The following FSTL5 variants were observed in gnomAD, a reference collection of about 807,000 sequenced individuals.
FSTL5 encodes follistatin-related protein 5.
In FSTL5, 62 loss-of-function variants were observed where a neutral mutation model predicts 89.1. The observed-to-expected ratio is 0.70, with a 90% CI of 0.57 to 0.86. The LOEUF (loss-of-function observed/expected upper bound fraction) is 0.86, where lower values mean the gene tolerates loss of function less well. FSTL5 is among the 40% of genes least tolerant of loss of function. The pLI is 0.00. For missense variants in FSTL5, 1,057 were observed against 1,001.6 expected, an observed-to-expected ratio of 1.06 and a Z score of -0.75; for synonymous variants, 383 against 346.2, an observed-to-expected ratio of 1.11 and a Z score of -1.18.
rs370951713 is a variant in FSTL5 at position 161,386,198 on chromosome 4, T to C, written c.2093A>G (p.Tyr698Cys). 43 of 1,613,812 alleles carry C rather than the reference T, an allele frequency of 2.7e-5. No individual in the cohort carries two copies. The highest frequency in any genetic ancestry group is 3.6e-5 in the Non-Finnish European group (42 of 1,179,958). ...GFNSDVTGTP[Y>C]VSPDGHYLVS... is the part of the protein sequence containing the mutation. Reference sequence around the variant, plus strand: ...AAGGTAGTGGCCATCTGGAGAGACATATGGAGTGCCCGTCACATCACTATT... The same window carrying C: ...AAGGTAGTGGCCATCTGGAGAGACACATGGAGTGCCCGTCACATCACTATT... Residue 698 changes from tyrosine to cysteine, a missense_variant, in exon 16 of 16, where the codon TAT becomes TGT. Physicochemically the swap from Tyr to Cys is radical, Grantham distance 194 (BLOSUM62 -2). This residue lies in a region of FSTL5 where 980 missense variants were observed against 903.2 expected (regional missense o/e 1.08). Transcript: ENST00000306100.
chr4:161,565,672 T>G (rs1732771203), intron 8 of FSTL5, among the ~76,000 whole-genome samples: 1 of 151,060 alleles, frequency 6.6e-6, no homozygotes, highest in African/African-American at 2.4e-5. Flanking sequence ...AAACACTTAA[T>G]TGTTAACCTA....
intron 4 of FSTL5, among the ~76,000 whole-genome samples, chr4:161,885,771 C>A (rs1732788521): frequency 6.6e-6 from 1 of 152,106 alleles, no homozygotes; most frequent in African/African-American, 2.4e-5. Flanking sequence ...TTTCATTTTT[C>A]TTTGCTTCTT....
Position 161,689,970 on chromosome 4 carries a change from T to C in FSTL5, c.728-33476A>G, listed in dbSNP as rs540777149. The stretch of plus-strand genomic sequence containing the variant: ...AGATTCATCCAAGTTGTAATATGTA[T>C]TAGTATTTCATTTGTTTTCATGGCT... On this transcript the variant is annotated intron_variant, in intron 6 of 15. Coordinates refer to ENST00000306100, the MANE Select transcript of FSTL5 (RefSeq NM_020116.5). 7.2e-5 allele frequency among the ~76,000 whole-genome samples: 11 copies of C among 152,298 alleles called. No individual in the cohort carries two copies. The South Asian group carries it at 2.3e-3, about 32-fold the overall frequency.
chr4:161,535,969 A>G (rs924060917), intron 10 of FSTL5, among the ~76,000 whole-genome samples: 3 of 152,162 alleles, frequency 2.0e-5, no homozygotes, highest in Non-Finnish European at 4.4e-5. Context: ...CATTATCGTA[A>G]GTGAATTAAT....
chr4:161,568,676 GT>G (rs1332795371), intron 8 of FSTL5, among the ~76,000 whole-genome samples: 1 of 152,034 alleles, frequency 6.6e-6, no homozygotes, highest in Non-Finnish European at 1.5e-5. Flanking sequence ...GTTTGGCCTG[GT>G]TTAAAAATCA....
chr4:161,734,857 C>T (rs1293897957), intron 6 of FSTL5, among the ~76,000 whole-genome samples: 1 of 151,388 alleles, frequency 6.6e-6, no homozygotes, highest in African/African-American at 2.4e-5. Flanking sequence ...ACAATTCCTA[C>T]TTGGAGACAG....
rs28562899 is a variant in FSTL5 at position 161,550,557 on chromosome 4, T to A, written c.1016-7864A>T. Among the ~76,000 whole-genome samples, 203 of 142,304 alleles carry A rather than the reference T, an allele frequency of 1.4e-3. 2 individuals carry two copies. The highest frequency in any genetic ancestry group is 4.4e-3 in the African/African-American group (173 of 38,902). The allele number at this position is 142,304 out of a possible 152,430, so 93.4% of individuals were successfully genotyped here. A position where few individuals can be genotyped will look rare whatever the true frequency, so the allele number is the denominator to read the frequency against. On this transcript the variant is annotated intron_variant, in intron 8 of 15. Coordinates refer to ENST00000306100, the MANE Select transcript of FSTL5 (RefSeq NM_020116.5). ...TATTTTATTTTTTCAGTAACTTCTTTTTTATTTATTTATTTATTTATTTAT... is the reference window on the plus strand; with the variant it reads ...TATTTTATTTTTTCAGTAACTTCTTATTTATTTATTTATTTATTTATTTAT...
At chr4:161,456,810 A>G (rs973090235) in intron 14 of FSTL5, among the ~76,000 whole-genome samples, 2 of 152,206 alleles carry the variant, frequency 1.3e-5, no homozygotes, top group Non-Finnish European at 2.9e-5. Flanking sequence ...GACTAGTGAT[A>G]GTGGCTTGCT....
chr4:162,142,242 G>C (rs1342728382), intron 1 of FSTL5, among the ~76,000 whole-genome samples: 1 of 151,940 alleles, frequency 6.6e-6, no homozygotes, highest in Non-Finnish European at 1.5e-5. Context: ...ATGAGAGTGT[G>C]GTGTCCTGAA....
At chr4:161,664,715 C>A (rs779387887) in intron 6 of FSTL5, 3 of 153,258 alleles carry the variant, frequency 2.0e-5, no homozygotes, top group African/African-American at 4.8e-5. Context: ...TTCAGCAATG[C>A]CCCATTCTAC....
At chr4:162,053,504 G>A (rs1364670523) in intron 2 of FSTL5, among the ~76,000 whole-genome samples, 3 of 151,644 alleles carry the variant, frequency 2.0e-5, no homozygotes, top group Admixed American at 6.6e-5. Flanking sequence ...TAAAACATGT[G>A]TGCATAACAA....
chr4:161,701,056 G>A (rs1468056120), intron 6 of FSTL5, among the ~76,000 whole-genome samples: 1 of 151,972 alleles, frequency 6.6e-6, no homozygotes, highest in African/African-American at 2.4e-5. Flanking sequence ...ACTGAATTAA[G>A]CTTTTATTCT....
chr4:161,985,184 A>G (rs192887588), intron 3 of FSTL5, among the ~76,000 whole-genome samples: 3 of 152,086 alleles, frequency 2.0e-5, no homozygotes, highest in African/African-American at 7.2e-5. Context: ...TATTTACCCA[A>G]GATTACTTGC....
chr4:161,715,690 T>G (rs1295274437), intron 6 of FSTL5, among the ~76,000 whole-genome samples: 1 of 152,200 alleles, frequency 6.6e-6, no homozygotes, highest in Non-Finnish European at 1.5e-5. Context: ...TAGATGCTGA[T>G]AGGCATCTGT....
At chr4:161,725,321 A>T (rs1739360870) in intron 6 of FSTL5, among the ~76,000 whole-genome samples, 1 of 152,214 alleles carries the variant, frequency 6.6e-6, no homozygotes, top group South Asian at 2.1e-4. Context: ...CAAATTCTTC[A>T]GTATTACTGA....
At chr4:161,697,911 T>C (rs1483892292) in intron 6 of FSTL5, among the ~76,000 whole-genome samples, 4 of 152,032 alleles carry the variant, frequency 2.6e-5, no homozygotes, top group Admixed American at 2.6e-4. Flanking sequence ...ATGAGGACAC[T>C]GTCCATTCAG....
At chr4:161,728,308 G>A (rs1739490360) in intron 6 of FSTL5, among the ~76,000 whole-genome samples, 1 of 152,094 alleles carries the variant, frequency 6.6e-6, no homozygotes, top group Non-Finnish European at 1.5e-5. Context: ...TCAATATCTA[G>A]CCAGCTGGTT....
At chr4:161,969,424 T>A (rs1243115441) in intron 3 of FSTL5, among the ~76,000 whole-genome samples, 1 of 152,084 alleles carries the variant, frequency 6.6e-6, no homozygotes, top group Admixed American at 6.6e-5. Context: ...TATAGAACCA[T>A]GTAAAAGAAT....
At chr4:161,470,075 T>C (rs1050314804) in intron 13 of FSTL5, among the ~76,000 whole-genome samples, 1 of 152,168 alleles carries the variant, frequency 6.6e-6, no homozygotes, top group African/African-American at 2.4e-5. Context: ...GTTAATATTA[T>C]CTTTGAATGA....
Sources: gnomAD v4.1 joint callset for allele counts (sites outside exome capture counted in the v4.1 genomes callset) on GRCh38, gnomAD v4.1.1 for gene constraint, gnomAD v4.1.1 regional missense constraint, MANE v1.5 for transcripts, NCBI Gene and HGNC (gene_info 2026-07-23, HGNC 2026-07-21) for gene names.